GLYATL2: variants seen among roughly 807,000 people sequenced by gnomAD.
GLYATL2 encodes the protein glycine-N-acyltransferase like 2, also known as glycine N-acyltransferase-like protein 2.
A neutral mutation model predicts 21.4 loss-of-function variants in GLYATL2; 25 were observed. The ratio of observed to expected loss-of-function variants is 1.17; its 90% CI spans 0.85 to 1.63. The LOEUF (loss-of-function observed/expected upper bound fraction) is 1.63. Among genes scored for constraint, GLYATL2 ranks in the 40% most tolerant of loss-of-function variants. The pLI is 0.00. For missense variants in GLYATL2, 361 were observed against 343.3 expected, an observed-to-expected ratio of 1.05 and a Z score of -0.41; for synonymous variants, 114 against 118.2, an observed-to-expected ratio of 0.96 and a Z score of 0.23.
chr11:58,886,672 G>A (rs1446117291), intron 1 of GLYATL2, among the ~76,000 whole-genome samples: 1 of 152,160 alleles, frequency 6.6e-6, no homozygotes, highest in Non-Finnish European at 1.5e-5. Context: ...ACATGATTAA[G>A]CTGAAATAGT....
At chr11:58,885,406 C>T (rs1854418816) in intron 1 of GLYATL2, 5 of 428,384 alleles carry the variant, frequency 1.2e-5, no homozygotes, top group Admixed American at 1.0e-4. Flanking sequence ...ATCTCAACCT[C>T]TCCTAGTCCT....
intron 1 of GLYATL2, chr11:58,892,740 T>C (rs948287518): frequency 1.7e-5 from 6 of 348,422 alleles, no homozygotes; most frequent in Non-Finnish European, 3.4e-5. Context: ...TCAAGAGCAT[T>C]CCTCTGTATT....
At chr11:58,836,952 C>T in intron 5 of GLYATL2, 63 bp downstream of exon 5, 1 of 1,420,986 alleles carries the variant, frequency 7.0e-7, no homozygotes, top group Non-Finnish European at 9.8e-7. Context: ...TTTCCAAGTA[C>T]AGCCTTTGTG....
intron 1 of GLYATL2, among the ~76,000 whole-genome samples, chr11:58,888,583 A>G (rs1854483407): frequency 6.6e-6 from 1 of 151,898 alleles, no homozygotes; most frequent in African/African-American, 2.4e-5. Context: ...ACTGAAACAT[A>G]AATCTCTATT....
chr11:58,845,966 T>C (rs1853635001), upstream of GLYATL2, among the ~76,000 whole-genome samples: 1 of 152,158 alleles, frequency 6.6e-6, no homozygotes. Flanking sequence ...TAGTTTTAGT[T>C]ACTCTACTTT....
chr11:58,849,117 G>A (rs1309116235), upstream of GLYATL2, among the ~76,000 whole-genome samples: 2 of 152,000 alleles, frequency 1.3e-5, no homozygotes, highest in Non-Finnish European at 2.9e-5. Flanking sequence ...AATGAAGGAA[G>A]AATACTTTCC....
At chr11:58,874,563 G>T (rs1420668727) in intron 1 of GLYATL2, among the ~76,000 whole-genome samples, 1 of 152,190 alleles carries the variant, frequency 6.6e-6, no homozygotes, top group Non-Finnish European at 1.5e-5. Context: ...AGTCATTCAG[G>T]AGCAGGTTGT....
At chr11:58,887,380 G>A (rs1159847301) in intron 1 of GLYATL2, among the ~76,000 whole-genome samples, 1 of 152,032 alleles carries the variant, frequency 6.6e-6, no homozygotes, top group Non-Finnish European at 1.5e-5. Flanking sequence ...ACTTTTCAGG[G>A]TGGGATGCAG....
At chr11:58,885,686 T>G (rs765858638) in intron 1 of GLYATL2, 6 of 238,588 alleles carry the variant, frequency 2.5e-5, no homozygotes, top group African/African-American at 4.5e-5. Flanking sequence ...GCACCTTGCA[T>G]GAGTGCCACA....
intron 1 of GLYATL2, among the ~76,000 whole-genome samples, chr11:58,896,218 T>C (rs1441125668): frequency 6.6e-6 from 1 of 152,108 alleles, no homozygotes; most frequent in African/African-American, 2.4e-5. Context: ...AGAGACCCCA[T>C]CTGCATAATA....
intron 1 of GLYATL2, among the ~76,000 whole-genome samples, chr11:58,879,823 G>A (rs1227293630): frequency 6.6e-6 from 1 of 150,786 alleles, no homozygotes; most frequent in African/African-American, 2.4e-5. Flanking sequence ...TTTGTGTTAT[G>A]TGTACTTTAC....
rs1025108577 is a variant in GLYATL2 at position 58,865,498 on chromosome 11, C to T, written n.61-27130G>A. On this transcript the variant is annotated intron_variant and non_coding_transcript_variant, in intron 1 of 4. Transcript: ENST00000533636. ...GTGAGATATTTGGAGCCACAAAATG[C>T]AGTATTTATCACAAAATGGAAACCA... Among the ~76,000 whole-genome samples, 3 of 149,018 alleles carry T rather than the reference C, an allele frequency of 2.0e-5. 1 individual carries two copies. The highest frequency in any genetic ancestry group is 4.3e-4 in the South Asian group (2 of 4,672).
At chr11:58,857,515 G>T (rs1485661595) in intron 1 of GLYATL2, among the ~76,000 whole-genome samples, 2 of 152,118 alleles carry the variant, frequency 1.3e-5, no homozygotes. Flanking sequence ...GGGCTGAGCT[G>T]CCCCATGCTT....
At chr11:58,875,724 T>A (rs1197991853) in intron 1 of GLYATL2, among the ~76,000 whole-genome samples, 2 of 152,204 alleles carry the variant, frequency 1.3e-5, no homozygotes, top group Non-Finnish European at 2.9e-5. Context: ...CCCTCAACAT[T>A]TTTTCCTTCA....
chr11:58,836,062 T>C (rs1370940919), intron 5 of GLYATL2, among the ~76,000 whole-genome samples: 2 of 152,186 alleles, frequency 1.3e-5, no homozygotes, highest in Admixed American at 1.3e-4. Context: ...CAAATCTCTC[T>C]TCTTTCTCTG....
chr11:58,857,373 G>T (rs1246430072), intron 1 of GLYATL2, among the ~76,000 whole-genome samples: 4 of 152,138 alleles, frequency 2.6e-5, no homozygotes, highest in African/African-American at 9.7e-5. Flanking sequence ...GCTGGGGAGG[G>T]GTGTCTGTAC....
At chr11:58,851,584 T>C (rs918812419) in intron 1 of GLYATL2, among the ~76,000 whole-genome samples, 12 of 152,020 alleles carry the variant, frequency 7.9e-5, no homozygotes, top group Admixed American at 6.6e-4. Flanking sequence ...ACAAAAAAGA[T>C]AGACAATTGA....
intron 1 of GLYATL2, among the ~76,000 whole-genome samples, chr11:58,851,206 C>G (rs2134586614): frequency 6.6e-6 from 1 of 152,238 alleles, no homozygotes; most frequent in Middle Eastern, 3.4e-3. Flanking sequence ...GGTAGTGGTC[C>G]CCCGGGCCCA....
Position 58,872,635 on chromosome 11 carries a change from T to A in GLYATL2, n.60+31521A>T, listed in dbSNP as rs188596905. 6.9e-3 allele frequency among the ~76,000 whole-genome samples: 1,052 copies of A among 152,370 alleles called. 10 individuals carry two copies. The highest frequency in any genetic ancestry group is 0.024 in the African/African-American group (1,005 of 41,584). ...TTTCTGAGGGCTCTGTTCTGTTCCATTGATCTATGTCTCTGTTTTGGTGCC... is the reference window on the plus strand; with the variant it reads ...TTTCTGAGGGCTCTGTTCTGTTCCAATGATCTATGTCTCTGTTTTGGTGCC... On this transcript the variant is annotated intron_variant and non_coding_transcript_variant, in intron 1 of 4. Transcript: ENST00000533636.
Sources: allele counts gnomAD v4.1 joint callset (sites outside exome capture counted in the v4.1 genomes callset), GRCh38; gene constraint gnomAD v4.1.1; transcripts MANE v1.5; gene names NCBI Gene and HGNC (gene_info 2026-07-23, HGNC 2026-07-21).